Variants in ADAMTSL3 observed in about 807,000 individuals in gnomAD.
ADAMTSL3 encodes the protein ADAMTS-like protein 3.
Under a neutral mutation model 201.7 loss-of-function variants are expected in ADAMTSL3, and 128 were observed. The observed-to-expected ratio is 0.63, with a 90% confidence interval of 0.55 to 0.73. The LOEUF (loss-of-function observed/expected upper bound fraction) is 0.73, where lower values mean the gene tolerates loss of function less well. Ranked by LOEUF, ADAMTSL3 falls within the 30% of genes least tolerant of loss-of-function variation. The pLI, the probability that ADAMTSL3 is intolerant of heterozygous loss-of-function variation, is 0.00. For missense variants in ADAMTSL3, 1,990 were observed against 2,119.6 expected (o/e 0.94, Z 1.20); for synonymous variants, 738 against 748.4 (o/e 0.99, Z 0.23).
chr15:83,815,343 A>C (rs1488134629), intron 5 of ADAMTSL3, among the ~76,000 whole-genome samples: 1 of 152,240 alleles, frequency 6.6e-6, no homozygotes, highest in Non-Finnish European at 1.5e-5. Context: ...AGTGTGTTTC[A>C]TGCGTATAGA....
chr15:83,810,119 T>G (rs538340630), intron 5 of ADAMTSL3, among the ~76,000 whole-genome samples: 3 of 152,312 alleles, frequency 2.0e-5, no homozygotes, highest in African/African-American at 7.2e-5. Flanking sequence ...TGGGTGCCTA[T>G]TTACTGGGGC....
At chr15:83,999,816 C>T (rs1330296144) in intron 23 of ADAMTSL3, among the ~76,000 whole-genome samples, 2 of 152,002 alleles carry the variant, frequency 1.3e-5, no homozygotes, top group African/African-American at 4.8e-5. Context: ...TGGAATATAC[C>T]TAAGAATTTT....
Position 83,965,231 on chromosome 15 carries a change from T to C in ADAMTSL3, c.2491-5253T>C, listed in dbSNP as rs542521588. ...CAATTAAAAGACAGAGACTGGCAAATTGGATCAAGAGTTAAGACCCATAGG... is the reference window on the plus strand; with the variant it reads ...CAATTAAAAGACAGAGACTGGCAAACTGGATCAAGAGTTAAGACCCATAGG... On this transcript the variant is annotated intron_variant, in intron 19 of 29. Coordinates refer to ENST00000286744, the MANE Select transcript of ADAMTSL3 (RefSeq NM_207517.3). Among the ~76,000 whole-genome samples, 7 of 151,760 alleles carry C rather than the reference T, an allele frequency of 4.6e-5. No homozygotes were observed. In the South Asian group the frequency reaches 1.5e-3, roughly 31 times the overall value.
intron 23 of ADAMTSL3, among the ~76,000 whole-genome samples, chr15:84,013,912 T>C (rs1032825815): frequency 6.6e-6 from 1 of 152,232 alleles, no homozygotes; most frequent in African/African-American, 2.4e-5. Context: ...TTCCCCTCTG[T>C]GTCCAGGCTC....
chr15:83,804,126 G>C (rs2063565825), intron 4 of ADAMTSL3, among the ~76,000 whole-genome samples: 1 of 149,750 alleles, frequency 6.7e-6, no homozygotes, highest in Non-Finnish European at 1.5e-5. Context: ...CTGGGCGACA[G>C]AGTGAGACTC....
intron 3 of ADAMTSL3, among the ~76,000 whole-genome samples, chr15:83,721,372 A>T (rs919099562): frequency 8.5e-5 from 13 of 152,198 alleles, no homozygotes; most frequent in Admixed American, 8.5e-4. Flanking sequence ...ATGTCTTATC[A>T]TTCATGAGCA....
At chr15:83,964,398 A>G (rs2067036856) in intron 19 of ADAMTSL3, among the ~76,000 whole-genome samples, 1 of 152,134 alleles carries the variant, frequency 6.6e-6, no homozygotes, top group Non-Finnish European at 1.5e-5. Context: ...TCAATAGCCA[A>G]ATTGCTCAAG....
At chr15:83,837,042 A>G (rs532186180) in intron 6 of ADAMTSL3, among the ~76,000 whole-genome samples, 3 of 152,314 alleles carry the variant, frequency 2.0e-5, no homozygotes, top group African/African-American at 4.8e-5. Flanking sequence ...TTTTTCTCAT[A>G]TAAGGAAGCT....
At chr15:83,884,875 G>C (rs1206013364) in intron 9 of ADAMTSL3, among the ~76,000 whole-genome samples, 2 of 152,082 alleles carry the variant, frequency 1.3e-5, no homozygotes, top group African/African-American at 4.8e-5. Context: ...GAATTATCTG[G>C]AAAAATGACT....
intron 4 of ADAMTSL3, among the ~76,000 whole-genome samples, chr15:83,793,734 C>T (rs1005671852): frequency 4.4e-4 from 67 of 152,032 alleles, no homozygotes; most frequent in African/African-American, 1.4e-3. Context: ...GCCTCAGCCT[C>T]CCAAAGTGCT....
At chr15:83,766,376 G>T (rs2062891391) in intron 3 of ADAMTSL3, among the ~76,000 whole-genome samples, 1 of 152,222 alleles carries the variant, frequency 6.6e-6, no homozygotes, top group African/African-American at 2.4e-5. Context: ...ATGCATGTGA[G>T]TTCATGAACA....
chr15:83,773,651 G>A lies in ADAMTSL3; in HGVS notation c.317+1G>A, dbSNP rs1210926025. On this transcript the variant is annotated splice_donor_variant, in intron 4 of 29. Transcript: ENST00000286744. LOFTEE classifies it high-confidence loss of function. ...CTCTGCGGAGATGTTTGACTGGAAG[G>A]TTAGTGGTGGCTTCACTTGCTCCTG... 3 of 1,606,734 alleles carry A rather than the reference G, an allele frequency of 1.9e-6. No individual in the cohort carries two copies. The highest frequency in any genetic ancestry group is 2.5e-6 in the Non-Finnish European group (3 of 1,177,908).
chr15:83,657,590 A>G (rs2061105790), intron 2 of ADAMTSL3, among the ~76,000 whole-genome samples: 1 of 152,280 alleles, frequency 6.6e-6, no homozygotes, highest in African/African-American at 2.4e-5. Context: ...TCCATTGTGA[A>G]GTGGAAAAAA....
chr15:83,711,158 A>G (rs1344006043), intron 3 of ADAMTSL3, among the ~76,000 whole-genome samples: 1 of 152,220 alleles, frequency 6.6e-6, no homozygotes, highest in Non-Finnish European at 1.5e-5. Flanking sequence ...TTCTTTCTAA[A>G]GAGGAGAAAT....
In ADAMTSL3 at chr15:83,662,340, G is replaced by A. The variant is rs995627791; in HGVS notation, c.69+6510G>A. On this transcript the variant is annotated intron_variant, in intron 2 of 29. Coordinates refer to ENST00000286744, the MANE Select transcript of ADAMTSL3 (RefSeq NM_207517.3). ...TCGCAAGAACAAAAAACCAAACACC[G>A]CATATTCTCACTCATAGGTGGGAAT... Among the ~76,000 whole-genome samples, 218 of 140,300 alleles carry A rather than the reference G, an allele frequency of 1.6e-3. 1 individual carries two copies. The highest frequency in any genetic ancestry group is 4.2e-3 in the African/African-American group (157 of 37,606). 92.0% of individuals were successfully genotyped at this position (140,300 alleles called of 152,430 possible). A position where few individuals can be genotyped will look rare whatever the true frequency, so the allele number is the denominator to read the frequency against.
chr15:83,796,817 A>C (rs979307451), intron 4 of ADAMTSL3, among the ~76,000 whole-genome samples: 2 of 152,192 alleles, frequency 1.3e-5, no homozygotes, highest in African/African-American at 4.8e-5. Flanking sequence ...GGAAAGAGGG[A>C]TAGTCAATAC....
chr15:83,976,332 G>C (rs1156880324), intron 20 of ADAMTSL3, among the ~76,000 whole-genome samples: 3 of 152,144 alleles, frequency 2.0e-5, no homozygotes, highest in African/African-American at 7.2e-5. Context: ...CACACCACTG[G>C]ACAGGAGGAA....
intron 23 of ADAMTSL3, among the ~76,000 whole-genome samples, chr15:84,005,277 A>C (rs1290419152): frequency 6.6e-6 from 1 of 152,204 alleles, no homozygotes; most frequent in East Asian, 1.9e-4. Context: ...TTAACTGGCT[A>C]ATAGCTATTT....
intron 8 of ADAMTSL3, among the ~76,000 whole-genome samples, chr15:83,861,107 C>T (rs573630672): frequency 5.3e-5 from 8 of 152,298 alleles, no homozygotes; most frequent in East Asian, 1.9e-4. Context: ...AAGGTGGCAG[C>T]GAGGCTGGGG....
Sources: allele counts gnomAD v4.1 joint callset (sites outside exome capture counted in the v4.1 genomes callset), GRCh38; gene constraint gnomAD v4.1.1; transcripts MANE v1.5; gene names NCBI Gene and HGNC (gene_info 2026-07-23, HGNC 2026-07-21).